RYR2: variants seen among roughly 807,000 people sequenced by gnomAD.
The protein encoded by RYR2 is cardiac muscle ryanodine receptor-calcium release channel.
RYR2 carries 227 observed loss-of-function variants against 601.1 expected under a neutral mutation model. That is an observed-to-expected ratio of 0.38 (90% CI 0.34 to 0.42). The LOEUF is 0.42. Ranked by LOEUF, RYR2 falls within the 10% of genes least tolerant of loss-of-function variation. The pLI, the probability that RYR2 is intolerant of heterozygous loss-of-function variation, is 1.00. For synonymous variants in RYR2, 2,223 were observed against 2,175.1 expected, an observed-to-expected ratio of 1.02 and a Z score of -0.61; for missense variants, 4,646 against 6,156.5, an observed-to-expected ratio of 0.75 and a Z score of 8.21.
At position 237,649,916 on chromosome 1, in the gene RYR2, C is replaced by T. The variant is rs746762841; in HGVS notation, c.7552C>T (p.Arg2518Trp). ...SATDMALALN[R>W]YLCTAVLPLL... ...TACAGACATGGCCTTGGCCCTCAATCGGTACCTTTGCACAGCCGTCTTGCC... is the reference window on the plus strand; with the variant it reads ...TACAGACATGGCCTTGGCCCTCAATTGGTACCTTTGCACAGCCGTCTTGCC... The change falls in exon 50 of 105, where the codon CGG (arginine) becomes TGG (tryptophan). Residue 2518 changes from arginine to tryptophan, a missense_variant. This residue lies in a region of RYR2 where 1,497 missense variants were observed against 1,842.6 expected (regional missense o/e 0.81). Coordinates refer to ENST00000366574, the MANE Select transcript of RYR2 (RefSeq NM_001035.3). The T allele has an allele frequency of 1.2e-5, 19 of 1,613,828 alleles. No homozygotes were observed. The highest frequency in any genetic ancestry group is 4.2e-6 in the Non-Finnish European group (5 of 1,179,896).
At chr1:237,472,060 CT>C (rs1486829776) in intron 17 of RYR2, among the ~76,000 whole-genome samples, 2 of 152,092 alleles carry the variant, frequency 1.3e-5, no homozygotes, top group African/African-American at 4.8e-5. Flanking sequence ...ATATATTTTG[CT>C]GAACAATTTT....
intron 2 of RYR2, among the ~76,000 whole-genome samples, chr1:237,272,336 AG>A (rs939266600): frequency 2.6e-5 from 4 of 151,566 alleles, no homozygotes; most frequent in Non-Finnish European, 5.9e-5. Flanking sequence ...AAAAAAATAG[AG>A]GGGGGAAGCA....
intron 1 of RYR2, among the ~76,000 whole-genome samples, chr1:237,269,631 T>A (rs1488103252): frequency 6.6e-6 from 1 of 152,236 alleles, no homozygotes; most frequent in African/African-American, 2.4e-5. Context: ...TCCATTTTCT[T>A]ACTGTGCATT....
intron 36 of RYR2, among the ~76,000 whole-genome samples, chr1:237,613,021 A>G (rs1249362462): frequency 6.6e-6 from 1 of 152,230 alleles, no homozygotes; most frequent in Non-Finnish European, 1.5e-5. Context: ...TTTATACCAC[A>G]CCGATTGGTA....
At chr1:237,822,394 A>G (rs1662611003) in intron 101 of RYR2, among the ~76,000 whole-genome samples, 1 of 152,258 alleles carries the variant, frequency 6.6e-6, no homozygotes, top group South Asian at 2.1e-4. Context: ...TAAAGGAAAG[A>G]ATATTCAACT....
In RYR2 at chr1:237,350,604, T is replaced by A. The variant is rs1283100006; in HGVS notation, c.274-5361T>A. Among the ~76,000 whole-genome samples the A allele has an allele frequency of 8.7e-3, 410 of 47,250 alleles. 3 individuals carry two copies. The highest frequency in any genetic ancestry group is 0.03 in the East Asian group (35 of 1,176). 31.0% of individuals were successfully genotyped at this position (47,250 alleles called of 152,430 possible). A position where few individuals can be genotyped will look rare whatever the true frequency, so the allele number is the denominator to read the frequency against. The stretch of plus-strand genomic sequence containing the variant: ...AAAAAAAAAAAAAAAAAAAAAAAAA[T>A]ATATATATATATATATATATATATA... On this transcript the variant is annotated intron_variant, in intron 3 of 104. Coordinates refer to ENST00000366574, the MANE Select transcript of RYR2 (RefSeq NM_001035.3).
intron 1 of RYR2, among the ~76,000 whole-genome samples, chr1:237,082,865 G>A (rs765119623): frequency 3.3e-5 from 5 of 151,910 alleles, no homozygotes; most frequent in Non-Finnish European, 7.4e-5. Context: ...CTATTATATC[G>A]CCTTGCTATT....
At chr1:237,261,539 A>C (rs1688524467) in intron 1 of RYR2, among the ~76,000 whole-genome samples, 1 of 151,952 alleles carries the variant, frequency 6.6e-6, no homozygotes, top group Admixed American at 6.6e-5. Flanking sequence ...ACTGGTGCTC[A>C]CTCCACCGGG....
intron 1 of RYR2, among the ~76,000 whole-genome samples, chr1:237,158,416 C>A (rs55800719): frequency 2.6e-5 from 4 of 152,138 alleles, no homozygotes; most frequent in African/African-American, 7.2e-5. Context: ...TAAAAAATAT[C>A]GTGTTCACTT....
chr1:237,505,735 C>T (rs185101885), intron 22 of RYR2, among the ~76,000 whole-genome samples: 44 of 152,298 alleles, frequency 2.9e-4, no homozygotes, highest in Admixed American at 2.2e-3. Flanking sequence ...AATGCCACCT[C>T]GTCGTTGGGC....
chr1:237,372,673 T>C (rs975715377), intron 6 of RYR2, among the ~76,000 whole-genome samples: 1 of 152,210 alleles, frequency 6.6e-6, no homozygotes, highest in African/African-American at 2.4e-5. Context: ...CTAATAAATG[T>C]GAGGGTTTCT....
At chr1:237,495,570 G>C (rs988327063) in intron 19 of RYR2, among the ~76,000 whole-genome samples, 1 of 152,132 alleles carries the variant, frequency 6.6e-6, no homozygotes, top group African/African-American at 2.4e-5. Flanking sequence ...TTATATAACA[G>C]ACCTGCCGTT....
chr1:237,623,539 A>G (rs1396774694), intron 38 of RYR2, among the ~76,000 whole-genome samples: 1 of 151,398 alleles, frequency 6.6e-6, no homozygotes, highest in Non-Finnish European at 1.5e-5. Flanking sequence ...GACTACAGGC[A>G]TGCACCACCA....
intron 24 of RYR2, among the ~76,000 whole-genome samples, chr1:237,516,739 G>T (rs1257482254): frequency 1.3e-5 from 2 of 152,108 alleles, no homozygotes; most frequent in African/African-American, 4.8e-5. Flanking sequence ...TGCTACACAT[G>T]CCAGGAACCT....
chr1:237,585,573 A>C (rs1674440042), intron 29 of RYR2, among the ~76,000 whole-genome samples: 1 of 152,180 alleles, frequency 6.6e-6, no homozygotes, highest in African/African-American at 2.4e-5. Flanking sequence ...ATTGCCACAT[A>C]GTTGTCCTTG....
Position 237,061,786 on chromosome 1 carries a change from T to A in RYR2, c.48+19217T>A, listed in dbSNP as rs190458736. 4.7e-3 allele frequency among the ~76,000 whole-genome samples: 714 copies of A among 152,284 alleles called. 7 individuals carry two copies. Among genetic ancestry groups the A allele is most frequent in the African/African-American group, 0.016 (679 of 41,552 alleles). On this transcript the variant is annotated intron_variant, in intron 1 of 104. Coordinates refer to ENST00000366574, the MANE Select transcript of RYR2 (RefSeq NM_001035.3). ...ATGAAGTCCAGATTATCAGTTTTTT[T>A]AAATCATGGTTTGTGGTTTTTTTTT...
intron 1 of RYR2, chr1:237,267,655 T>G: frequency 4.0e-6 from 1 of 249,034 alleles, no homozygotes; most frequent in Non-Finnish European, 8.6e-6. Flanking sequence ...ATTGAGAGCT[T>G]CTTAGAAATG....
intron 2 of RYR2, among the ~76,000 whole-genome samples, chr1:237,309,890 C>T (rs572310639): frequency 1.3e-5 from 2 of 152,084 alleles, no homozygotes; most frequent in South Asian, 2.1e-4. Context: ...CCTCACTGCC[C>T]GGGGCCGGCA....
intron 87 of RYR2, among the ~76,000 whole-genome samples, chr1:237,778,433 T>A (rs1694834823): frequency 6.6e-6 from 1 of 151,828 alleles, no homozygotes; most frequent in South Asian, 2.1e-4. Context: ...ATAAAAATCC[T>A]TGAGAAACTT....
Sources: allele counts gnomAD v4.1 joint callset (sites outside exome capture counted in the v4.1 genomes callset), GRCh38; gene constraint gnomAD v4.1.1; regional missense constraint gnomAD v4.1.1; transcripts MANE v1.5; gene names NCBI Gene and HGNC (gene_info 2026-07-23, HGNC 2026-07-21).